The following SYT16 variants were observed in gnomAD, a reference collection of about 807,000 sequenced individuals.
SYT16 encodes the protein synaptotagmin-16.
Under a neutral mutation model 61.4 loss-of-function variants are expected in SYT16, and 42 were observed. That is an observed-to-expected ratio of 0.68 (90% CI 0.53 to 0.89). SYT16 has a LOEUF of 0.89. Ranked by LOEUF, SYT16 falls within the 40% of genes least tolerant of loss-of-function variation. The pLI is 0.00. For synonymous variants in SYT16, 314 were observed against 302.3 expected (o/e 1.04, Z -0.40); for missense variants, 804 against 807.3 (o/e 1.00, Z 0.05).
chr14:61,934,813 T>C (rs1265708382), intron 1 of SYT16, among the ~76,000 whole-genome samples: 1 of 152,200 alleles, frequency 6.6e-6, no homozygotes, highest in Non-Finnish European at 1.5e-5. Context: ...TGAAGATGAC[T>C]CTTCTCTGTT....
At chr14:61,848,136 A>G (rs1299982076) in intron 1 of SYT16, among the ~76,000 whole-genome samples, 1 of 152,178 alleles carries the variant, frequency 6.6e-6, no homozygotes, top group East Asian at 1.9e-4. Context: ...GTGTCTGGAC[A>G]TTGAAGAATT....
intron 1 of SYT16, among the ~76,000 whole-genome samples, chr14:61,905,407 T>C (rs775900631): frequency 5.8e-4 from 88 of 152,374 alleles, no homozygotes; most frequent in Non-Finnish European, 9.8e-4. Context: ...CTGCAATTAC[T>C]TATGCACCAA....
intron 1 of SYT16, among the ~76,000 whole-genome samples, chr14:61,907,779 C>A (rs1249037858): frequency 6.6e-6 from 1 of 152,238 alleles, no homozygotes; most frequent in African/African-American, 2.4e-5. Context: ...GGAGAGACTA[C>A]AGAAGGGTGT....
chr14:61,840,736 G>A (rs2046278565), intron 1 of SYT16, among the ~76,000 whole-genome samples: 1 of 152,148 alleles, frequency 6.6e-6, no homozygotes, highest in Admixed American at 6.5e-5. Context: ...CATAAAGGGA[G>A]CTGAGATAGC....
intron 3 of SYT16, among the ~76,000 whole-genome samples, chr14:62,012,683 T>G (rs903346669): frequency 1.3e-5 from 2 of 152,226 alleles, no homozygotes; most frequent in Non-Finnish European, 2.9e-5. Context: ...GCTACTTACA[T>G]GCCTTCATGT....
chr14:62,108,820 T>G lies in SYT16; in HGVS notation c.*8113T>G, dbSNP rs1231359258. 2 of 152,206 alleles carry G rather than the reference T, an allele frequency of 1.3e-5. No homozygotes were observed. Among genetic ancestry groups the G allele is most frequent in the African/African-American group, 4.8e-5 (2 of 41,454 alleles). The allele number at this position is 152,206 out of a possible 1,614,324, so 9.4% of individuals were successfully genotyped here. On this transcript the variant is annotated 3_prime_UTR_variant, in exon 8 of 8. Coordinates refer to ENST00000683842, the MANE Select transcript of SYT16 (RefSeq NM_001367656.1). ...TTCTCTTATAGTGTTGGGATAGGAT[T>G]TGACCTGTATTTTCAGGTTAAAGCT...
rs536327222 is a variant in SYT16 at position 62,047,129 on chromosome 14, T to C, written c.524-22474T>C. On this transcript the variant is annotated intron_variant, in intron 3 of 7. Transcript: ENST00000683842. Reference sequence around the variant, plus strand: ...CTCTTTCATTGTATTGTATCTTGTATTGTATCCTCTTTTATTTCATTGAGC... The same window carrying C: ...CTCTTTCATTGTATTGTATCTTGTACTGTATCCTCTTTTATTTCATTGAGC... Among the ~76,000 whole-genome samples, 31 of 152,270 alleles carry C rather than the reference T, an allele frequency of 2.0e-4. 1 individual carries two copies. Among genetic ancestry groups the C allele is most frequent in the African/African-American group, 5.8e-4 (24 of 41,576 alleles).
chr14:61,840,782 A>C (rs980023414), intron 1 of SYT16, among the ~76,000 whole-genome samples: 15 of 152,184 alleles, frequency 9.9e-5, no homozygotes, highest in African/African-American at 3.6e-4. Context: ...GGAGATGAAG[A>C]GGTAGAGCTC....
chr14:61,987,660 C>T (rs1400483665), intron 2 of SYT16, among the ~76,000 whole-genome samples: 1 of 151,264 alleles, frequency 6.6e-6, no homozygotes, highest in Non-Finnish European at 1.5e-5. Flanking sequence ...GATAACTGTG[C>T]AAATTACAAG....
intron 3 of SYT16, among the ~76,000 whole-genome samples, chr14:62,007,955 G>C (rs1168837319): frequency 6.6e-6 from 1 of 151,828 alleles, no homozygotes; most frequent in South Asian, 2.1e-4. Flanking sequence ...CCTATAAAAA[G>C]TAAGAGGAGG....
At chr14:61,907,600 T>C (rs966245202) in intron 1 of SYT16, among the ~76,000 whole-genome samples, 1 of 152,152 alleles carries the variant, frequency 6.6e-6, no homozygotes, top group Non-Finnish European at 1.5e-5. Flanking sequence ...CGTGTGGGCC[T>C]CTCCACAGGG....
intron 1 of SYT16, among the ~76,000 whole-genome samples, chr14:61,963,313 G>T (rs1195688079): frequency 6.6e-6 from 1 of 152,188 alleles, no homozygotes; most frequent in Non-Finnish European, 1.5e-5. Flanking sequence ...CAAACAGCTA[G>T]CCAAGTTGTG....
intron 3 of SYT16, among the ~76,000 whole-genome samples, chr14:62,043,407 CTTTTTT>C (rs1203186408): frequency 1.1e-4 from 13 of 122,536 alleles, no homozygotes; most frequent in African/African-American, 3.4e-4. Context: ...ATTTTTCTTT[CTTTTTT>C]TTTTTTTTTT....
At chr14:62,014,912 C>G (rs1159795409) in intron 3 of SYT16, among the ~76,000 whole-genome samples, 1 of 152,176 alleles carries the variant, frequency 6.6e-6, no homozygotes, top group Non-Finnish European at 1.5e-5. Flanking sequence ...TTCTAGCATC[C>G]TGAAATACTA....
At chr14:62,078,172 A>AACACACACACACACAC (rs144022896) in intron 5 of SYT16, among the ~76,000 whole-genome samples, 6,658 of 128,258 alleles carry the variant, frequency 0.052, 189 homozygotes, top group South Asian at 0.14. Flanking sequence ...TATATATATA[A>AACACACACACACACAC]ACACACACAC....
rs35493692 is a variant in SYT16 at position 61,904,392 on chromosome 14, G to A, written c.-324-65740G>A. On this transcript the variant is annotated intron_variant, in intron 1 of 7. Transcript: ENST00000683842. ...AGGGCCTCGGCAGGAGCAGCTCAGTGTAATGTGAAATGCAAACCTGGGATT... is the reference window on the plus strand; with the variant it reads ...AGGGCCTCGGCAGGAGCAGCTCAGTATAATGTGAAATGCAAACCTGGGATT... Among the ~76,000 whole-genome samples the A allele has an allele frequency of 5.5e-3, 839 of 152,318 alleles. 4 individuals are homozygous for A. The highest frequency in any genetic ancestry group is 8.7e-3 in the Non-Finnish European group (591 of 68,038).
intron 3 of SYT16, among the ~76,000 whole-genome samples, chr14:62,022,747 G>C (rs575206021): frequency 1.3e-5 from 2 of 151,752 alleles, no homozygotes; most frequent in African/African-American, 4.8e-5. Context: ...GCTTTGCTTT[G>C]TCTAATCTGC....
At chr14:61,858,960 T>C (rs1044616809) in intron 1 of SYT16, among the ~76,000 whole-genome samples, 3 of 151,542 alleles carry the variant, frequency 2.0e-5, no homozygotes, top group African/African-American at 7.3e-5. Context: ...GTTCACGCCA[T>C]TCTCCTGCCT....
intron 1 of SYT16, among the ~76,000 whole-genome samples, chr14:61,907,661 G>C (rs1489778473): frequency 1.3e-5 from 2 of 152,242 alleles, no homozygotes; most frequent in Admixed American, 6.5e-5. Flanking sequence ...ATCCAGAAGA[G>C]AGAGTAGGGC....
Sources: gnomAD v4.1 joint callset for allele counts (sites outside exome capture counted in the v4.1 genomes callset) on GRCh38, gnomAD v4.1.1 for gene constraint, MANE v1.5 for transcripts, NCBI Gene and HGNC (gene_info 2026-07-23, HGNC 2026-07-21) for gene names.